VWA2: variants seen among roughly 807,000 people sequenced by gnomAD.
VWA2 encodes von Willebrand factor A domain containing 2.
A neutral mutation model predicts 70.4 loss-of-function variants in VWA2; 73 were observed. The observed-to-expected ratio is 1.04, with a 90% confidence interval of 0.86 to 1.26. The LOEUF (loss-of-function observed/expected upper bound fraction) is 1.26, where lower values mean the gene tolerates loss of function less well. Among genes scored for constraint, VWA2 ranks in the 50% most tolerant of loss-of-function variants. The probability of loss-of-function intolerance (pLI) is 0.00; values close to 1 mark genes in which losing one functional copy is unlikely to be tolerated. For synonymous variants in VWA2, 407 were observed against 423.3 expected (o/e 0.96, Z 0.47); for missense variants, 1,011 against 998.5 (o/e 1.01, Z -0.17).
chr10:114,239,790 A>G (rs1488127820), intron 1 of VWA2, among the ~76,000 whole-genome samples: 3 of 152,140 alleles, frequency 2.0e-5, no homozygotes, highest in East Asian at 3.9e-4. Flanking sequence ...GGAAGAGCGC[A>G]CCTGGCGCGC....
chr10:114,281,650 C>T (rs2038125179), intron 8 of VWA2: 2 of 784,236 alleles, frequency 2.6e-6, no homozygotes, highest in South Asian at 5.8e-5. Context: ...TGCAGAGCCT[C>T]GTGTGGACAC....
intron 1 of VWA2, among the ~76,000 whole-genome samples, chr10:114,247,588 C>G (rs1001696070): frequency 1.3e-5 from 2 of 151,900 alleles, no homozygotes; most frequent in African/African-American, 4.8e-5. Context: ...CAAGAGCCAC[C>G]GCGAAGGGCT....
At chr10:114,278,955 AG>A in intron 8 of VWA2, 104 bp downstream of exon 8, 1 of 1,527,482 alleles carries the variant, frequency 6.5e-7, no homozygotes, top group Non-Finnish European at 8.8e-7. Flanking sequence ...AGATTGTGAC[AG>A]GGATCGAAGG....
chr10:114,268,698 C>CT lies in VWA2; in HGVS notation c.372-4028dup, dbSNP rs1554856684. On this transcript the variant is annotated intron_variant, in intron 5 of 13. Transcript: ENST00000392982. ...GCGGAGGGATTTCTTTTTCTTTTTT[C>CT]TTTTTTTTTTTTTTGAGACGGAGTC... is the stretch of plus-strand genomic sequence containing the variant. Among the ~76,000 whole-genome samples, 388 of 125,314 alleles carry CT rather than the reference C, an allele frequency of 3.1e-3. 1 individual carries two copies. Among genetic ancestry groups the CT allele is most frequent in the East Asian group, 8.1e-3 (37 of 4,576 alleles). The allele number at this position is 125,314 out of a possible 152,430, so 82.2% of individuals were successfully genotyped here. A position where few individuals can be genotyped will look rare whatever the true frequency, so the allele number is the denominator to read the frequency against.
rs182205115 is a variant in VWA2, at chr10:114,265,472, G to A, written c.371+4177G>A. ...AGGAGCATTAGAGATCATCTGGTAT[G>A]TTTTCCCTCCCTTATTTTACAGAGG... On this transcript the variant is annotated intron_variant, in intron 5 of 13. Transcript: ENST00000392982. Among the ~76,000 whole-genome samples the A allele has an allele frequency of 2.0e-5, 3 of 152,266 alleles. No individual in the cohort carries two copies. The East Asian group carries it at 5.8e-4, about 29-fold the overall frequency.
intron 6 of VWA2, among the ~76,000 whole-genome samples, chr10:114,273,328 C>A (rs1486743545): frequency 6.6e-6 from 1 of 152,164 alleles, no homozygotes. Flanking sequence ...CCTCTCGTAC[C>A]CTGACTTTAT....
At chr10:114,274,502 C>T (rs1589761832) in intron 6 of VWA2, among the ~76,000 whole-genome samples, 1 of 152,228 alleles carries the variant, frequency 6.6e-6, no homozygotes. Flanking sequence ...TTTGAGACAG[C>T]CTCGCTTTGT....
At chr10:114,254,291 C>T (rs992032685) in intron 3 of VWA2, among the ~76,000 whole-genome samples, 11 of 152,032 alleles carry the variant, frequency 7.2e-5, no homozygotes, top group Non-Finnish European at 1.0e-4. Flanking sequence ...AGGCTGATCT[C>T]GAACTCCTGA....
intron 5 of VWA2, among the ~76,000 whole-genome samples, chr10:114,269,424 T>A (rs1446992402): frequency 1.3e-5 from 2 of 152,012 alleles, no homozygotes; most frequent in Non-Finnish European, 2.9e-5. Context: ...CTACTAAAAA[T>A]ACAAAAATTA....
intron 4 of VWA2, among the ~76,000 whole-genome samples, chr10:114,259,677 T>C (rs2037403480): frequency 6.6e-6 from 1 of 152,206 alleles, no homozygotes; most frequent in African/African-American, 2.4e-5. Context: ...TGCTCTCCAG[T>C]TGTCCCAATA....
Position 114,286,539 on chromosome 10 carries a change from C to T in VWA2, c.1570+28C>T, listed in dbSNP as rs376532802. ...AAGGTCCCAGTGCCTGACCCAGGACCGCTGGTCAGTGGGCGGGTCCTTCCT... is the reference window on the plus strand; with the variant it reads ...AAGGTCCCAGTGCCTGACCCAGGACTGCTGGTCAGTGGGCGGGTCCTTCCT... On this transcript the variant is annotated intron_variant, in intron 11 of 13. Transcript: ENST00000392982. 1.1e-4 allele frequency: 165 copies of T among 1,513,898 alleles called. No homozygotes were observed. In the African/African-American group the frequency reaches 1.1e-3, roughly 10 times the overall value. 93.8% of individuals were successfully genotyped at this position (1,513,898 alleles called of 1,614,324 possible).
chr10:114,280,404 G>A (rs1415034552), intron 8 of VWA2, among the ~76,000 whole-genome samples: 1 of 151,534 alleles, frequency 6.6e-6, no homozygotes, highest in African/African-American at 2.4e-5. Context: ...TGCTGTGGAG[G>A]AACACAGCAG....
Position 114,290,273 on chromosome 10 carries a change from G to A in VWA2, c.2156G>A (p.Ser719Asn), listed in dbSNP as rs2039442169. 3 of 1,550,498 alleles carry A rather than the reference G, an allele frequency of 1.9e-6. No individual in the cohort carries two copies. The highest frequency in any genetic ancestry group is 2.6e-6 in the Non-Finnish European group (3 of 1,147,008). ...CAGCCAGTCAACCTCTGCAAACCCAGCCCGTGCATGAATGAGGGCAGCTGC... is the reference window on the plus strand; with the variant it reads ...CAGCCAGTCAACCTCTGCAAACCCAACCCGTGCATGAATGAGGGCAGCTGC... The part of the protein sequence containing the change: ...AKQPVNLCKP[S>N]PCMNEGSCVL... Residue 719 changes from serine (S) to asparagine (N), a missense_variant, in exon 13 of 14, where the codon AGC (serine) becomes AAC (asparagine). Ser to Asn is a conservative substitution (Grantham distance 46). Coordinates refer to ENST00000392982, the MANE Select transcript of VWA2 (RefSeq NM_001272046.2).
intron 5 of VWA2, among the ~76,000 whole-genome samples, chr10:114,267,265 C>T (rs1350678536): frequency 2.0e-5 from 3 of 151,842 alleles, no homozygotes; most frequent in East Asian, 1.9e-4. Context: ...TACAGGCACC[C>T]GCCACCATGC....
Position 114,291,896 on chromosome 10 carries a change from G to A in VWA2, c.*659G>A. Among the ~76,000 whole-genome samples the A allele has an allele frequency of 6.6e-6, 1 of 152,182 alleles. No homozygotes were observed. Among genetic ancestry groups the A allele is most frequent in the East Asian group, 1.9e-4 (1 of 5,196 alleles). On this transcript the variant is annotated 3_prime_UTR_variant, in exon 14 of 14. Coordinates refer to ENST00000392982, the MANE Select transcript of VWA2 (RefSeq NM_001272046.2). ...CAGCTTGTTTGATGATGGGGGAGGG[G>A]CTGAGTGTGCAATGGGCCCAGGTCT... is the stretch of plus-strand genomic sequence containing the variant.
At position 114,277,950 on chromosome 10, in the gene VWA2, A is replaced by T; in HGVS notation, c.603A>T (p.Arg201Ser). ...TGCATGCACTGGCCAGCGAGCCTAG[A>T]GGGCAGCACGTGCTGTTGGCTGAGC... ...EELHALASEPRGQHVLLAEQV... is the reference protein window; with the variant it reads ...EELHALASEPSGQHVLLAEQV... The change falls in exon 7 of 14, where the codon AGA becomes AGT. Residue 201 changes from arginine to serine, a missense_variant. Physicochemically the swap from Arg to Ser is moderately radical, Grantham distance 110. Transcript: ENST00000392982. 1 of 1,612,048 alleles carries T rather than the reference A, an allele frequency of 6.2e-7. No individual in the cohort carries two copies. Among genetic ancestry groups the T allele is most frequent in the Non-Finnish European group, 8.5e-7 (1 of 1,179,286 alleles).
At chr10:114,261,991 G>A (rs970380998) in intron 5 of VWA2, among the ~76,000 whole-genome samples, 1 of 152,114 alleles carries the variant, frequency 6.6e-6, no homozygotes, top group African/African-American at 2.4e-5. Context: ...GAGCAAGAGA[G>A]AGGAGGAGGT....
chr10:114,276,533 C>G (rs573957873), intron 6 of VWA2, among the ~76,000 whole-genome samples: 3 of 152,312 alleles, frequency 2.0e-5, no homozygotes, highest in South Asian at 2.1e-4. Flanking sequence ...GGGTCCCGCT[C>G]TGTCACCCAG....
intron 5 of VWA2, among the ~76,000 whole-genome samples, chr10:114,263,360 G>A (rs557259583): frequency 3.4e-4 from 35 of 103,692 alleles, no homozygotes; most frequent in Admixed American, 1.9e-3. Context: ...TTTGTGAGAC[G>A]AAGTCTCACT....
Sources: gnomAD v4.1 joint callset for allele counts (sites outside exome capture counted in the v4.1 genomes callset) on GRCh38, gnomAD v4.1.1 for gene constraint, MANE v1.5 for transcripts, NCBI Gene and HGNC (gene_info 2026-07-23, HGNC 2026-07-21) for gene names.